SEC11A: variants seen among roughly 807,000 people sequenced by gnomAD.
The protein encoded by SEC11A is signal peptidase complex catalytic subunit SEC11A.
In SEC11A, 14 loss-of-function variants were observed where a neutral mutation model predicts 25.6. The observed-to-expected ratio is 0.55, with a 90% CI of 0.36 to 0.85. The LOEUF (loss-of-function observed/expected upper bound fraction) is 0.85. SEC11A is among the 40% of genes least tolerant of loss of function. The pLI is 0.01. For synonymous variants in SEC11A, 83 were observed against 76.4 expected (o/e 1.09, Z -0.45); for missense variants, 153 against 222.9 (o/e 0.69, Z 2.00).
intron 2 of SEC11A, among the ~76,000 whole-genome samples, chr15:84,691,199 C>T (rs1220233226): frequency 1.3e-5 from 2 of 151,662 alleles, no homozygotes; most frequent in African/African-American, 2.4e-5. Context: ...CTCAGCCTCC[C>T]GAGTAGCTGA....
chr15:84,713,583 A>G (rs1898356757), intron 1 of SEC11A, among the ~76,000 whole-genome samples: 1 of 152,130 alleles, frequency 6.6e-6, no homozygotes, highest in Non-Finnish European at 1.5e-5. Context: ...TTAAACTTCC[A>G]CTAACCCTGA....
chr15:84,675,860 C>T (rs986450704), intron 4 of SEC11A, among the ~76,000 whole-genome samples: 2 of 152,068 alleles, frequency 1.3e-5, no homozygotes, highest in African/African-American at 2.4e-5. Flanking sequence ...CATGAATAAG[C>T]CTTAAAAACA....
intron 1 of SEC11A, among the ~76,000 whole-genome samples, chr15:84,701,413 G>C (rs528906506): frequency 6.6e-6 from 1 of 151,552 alleles, no homozygotes; most frequent in Non-Finnish European, 1.5e-5. Context: ...TCCACCTCCC[G>C]GGTTCAAGCA....
intron 1 of SEC11A, chr15:84,714,873 T>C (rs1170206348): frequency 6.6e-6 from 1 of 152,202 alleles, no homozygotes; most frequent in Non-Finnish European, 1.5e-5. Flanking sequence ...GTACCTAGCA[T>C]AGAGTACAAT....
intron 3 of SEC11A, among the ~76,000 whole-genome samples, chr15:84,681,760 T>C (rs565101700): frequency 1.3e-5 from 2 of 152,116 alleles, no homozygotes; most frequent in South Asian, 4.2e-4. Context: ...TTTGAACAAA[T>C]ATCAAAAACT....
chr15:84,712,016 G>A (rs1898286686), intron 1 of SEC11A, among the ~76,000 whole-genome samples: 1 of 152,062 alleles, frequency 6.6e-6, no homozygotes, highest in Admixed American at 6.6e-5. Flanking sequence ...CGAGGTGGGA[G>A]GATCACTCGA....
intron 4 of SEC11A, among the ~76,000 whole-genome samples, chr15:84,674,204 A>G (rs987700417): frequency 6.6e-6 from 1 of 150,796 alleles, no homozygotes; most frequent in African/African-American, 2.4e-5. Context: ...GAGGTTTTCT[A>G]CATTTTATAT....
At chr15:84,691,347 T>C (rs112047245) in intron 2 of SEC11A, among the ~76,000 whole-genome samples, 188 bp downstream of exon 2, 2 of 152,166 alleles carry the variant, frequency 1.3e-5, no homozygotes, top group Non-Finnish European at 2.9e-5. Context: ...TTGGTGGGAT[T>C]ACAGGCATAA....
chr15:84,702,899 CTATT>C (rs1897990430), intron 1 of SEC11A, among the ~76,000 whole-genome samples: 1 of 152,158 alleles, frequency 6.6e-6, no homozygotes, highest in African/African-American at 2.4e-5. Flanking sequence ...CCAACTTACT[CTATT>C]TATTTAGTAA....
chr15:84,692,752 G>A (rs990935676), intron 1 of SEC11A, among the ~76,000 whole-genome samples: 2 of 152,156 alleles, frequency 1.3e-5, no homozygotes, highest in African/African-American at 4.8e-5. Context: ...GAAAGTACTG[G>A]GAGAAATCTG....
intron 1 of SEC11A, 49 bp from the exon 2 acceptor site, chr15:84,691,693 G>A (rs376255160): frequency 5.6e-5 from 59 of 1,060,922 alleles, no homozygotes; most frequent in Non-Finnish European, 7.3e-5. Flanking sequence ...TCCCCACTTC[G>A]GAAAGCAACT....
intron 1 of SEC11A, among the ~76,000 whole-genome samples, chr15:84,701,205 T>G (rs564350068): frequency 6.7e-6 from 1 of 149,144 alleles, no homozygotes; most frequent in African/African-American, 2.5e-5. Flanking sequence ...CATGGTGGCA[T>G]GCACTTATAG....
intron 3 of SEC11A, among the ~76,000 whole-genome samples, chr15:84,683,050 C>T (rs1897320279): frequency 6.6e-6 from 1 of 151,720 alleles, no homozygotes; most frequent in African/African-American, 2.4e-5. Context: ...TGGTTAAGTG[C>T]AAACAGTCAC....
chr15:84,692,325 C>T (rs1396199216), intron 1 of SEC11A, among the ~76,000 whole-genome samples: 1 of 152,138 alleles, frequency 6.6e-6, no homozygotes, highest in African/African-American at 2.4e-5. Context: ...AGTCACCACA[C>T]CCGGCCCTCT....
intron 3 of SEC11A, among the ~76,000 whole-genome samples, chr15:84,681,112 GAAGAA>G (rs146652286): frequency 0.012 from 1,773 of 152,208 alleles, 14 homozygotes; most frequent in African/African-American, 0.021. Context: ...TTTATTAAGT[GAAGAA>G]AAGAATACAA....
At chr15:84,696,707 G>C (rs905616201) in intron 1 of SEC11A, among the ~76,000 whole-genome samples, 1 of 152,074 alleles carries the variant, frequency 6.6e-6, no homozygotes, top group Admixed American at 6.6e-5. Context: ...AACACATTAA[G>C]ATTTTGGCAG....
At chr15:84,680,621 C>G (rs1026986780) in intron 4 of SEC11A, 92 bp downstream of exon 4, 89 of 1,274,064 alleles carry the variant, frequency 7.0e-5, no homozygotes, top group Non-Finnish European at 9.0e-5. Flanking sequence ...AACCAAATCT[C>G]TATATTCAAC....
chr15:84,693,311 T>C (rs546565360), intron 1 of SEC11A, among the ~76,000 whole-genome samples: 169 of 151,930 alleles, frequency 1.1e-3, no homozygotes, highest in African/African-American at 3.8e-3. Flanking sequence ...TCTCATTCAG[T>C]TCTAATAATG....
At chr15:84,680,233 G>A (rs1394796077) in intron 4 of SEC11A, among the ~76,000 whole-genome samples, 2 of 151,646 alleles carry the variant, frequency 1.3e-5, no homozygotes, top group Non-Finnish European at 2.9e-5. Flanking sequence ...CTCAGGAGGC[G>A]GAGGCTGCAG....
Sources: allele counts gnomAD v4.1 joint callset (sites outside exome capture counted in the v4.1 genomes callset), GRCh38; gene constraint gnomAD v4.1.1; transcripts MANE v1.5; gene names NCBI Gene and HGNC (gene_info 2026-07-23, HGNC 2026-07-21).